Variants in PLD5 observed in about 807,000 individuals in gnomAD.
PLD5 encodes inactive phospholipase D5.
PLD5 carries 36 observed loss-of-function variants against 61.1 expected under a neutral mutation model. The ratio of observed to expected loss-of-function variants is 0.59; its 90% CI spans 0.45 to 0.78. The LOEUF (loss-of-function observed/expected upper bound fraction) is 0.78, where lower values mean the gene tolerates loss of function less well. Ranked by LOEUF, PLD5 falls within the 30% of genes least tolerant of loss-of-function variation. PLD5 has a pLI of 0.00. For synonymous variants in PLD5, 243 were observed against 242.8 expected, an observed-to-expected ratio of 1.00 and a Z score of -0.01; for missense variants, 515 against 644.4, an observed-to-expected ratio of 0.80 and a Z score of 2.17.
Position 242,395,264 on chromosome 1 carries a change from G to A in PLD5, c.190-47022C>T, listed in dbSNP as rs565118382. On this transcript the variant is annotated intron_variant, in intron 1 of 9. Transcript: ENST00000536534. ...AAGTAGCTTTCATGATGTGCAACTT[G>A]ACACTTAGGTACTACGCCTTCCTTA... 2.0e-5 allele frequency among the ~76,000 whole-genome samples: 3 copies of A among 152,014 alleles called. No homozygotes were observed. In the South Asian group the frequency reaches 6.2e-4, roughly 32 times the overall value.
At chr1:242,266,488 T>C (rs1222518517) in intron 3 of PLD5, among the ~76,000 whole-genome samples, 1 of 152,224 alleles carries the variant, frequency 6.6e-6, no homozygotes, top group African/African-American at 2.4e-5. Context: ...CCACAGTCAT[T>C]GCATTATCTC....
At chr1:242,280,801 T>C (rs1054487690) in intron 3 of PLD5, among the ~76,000 whole-genome samples, 1 of 152,246 alleles carries the variant, frequency 6.6e-6, no homozygotes, top group Non-Finnish European at 1.5e-5. Flanking sequence ...GAGTATTAGA[T>C]AGTTTTATCA....
At chr1:242,530,425 G>T in the PLD5 span, among the ~76,000 whole-genome samples, 2 of 152,222 alleles carry the variant, frequency 1.3e-5, no homozygotes, top group Non-Finnish European at 2.9e-5. Context: ...AAATAGGATA[G>T]TTGAAATAAT....
chr1:242,104,747 G>A (rs1660920810), intron 8 of PLD5, among the ~76,000 whole-genome samples: 1 of 152,208 alleles, frequency 6.6e-6, no homozygotes, highest in African/African-American at 2.4e-5. Flanking sequence ...TCTTGAACTT[G>A]TGGCCTCAGA....
chr1:242,149,888 A>G (rs1664809869), intron 5 of PLD5, among the ~76,000 whole-genome samples: 1 of 151,748 alleles, frequency 6.6e-6, no homozygotes, highest in Non-Finnish European at 1.5e-5. Flanking sequence ...CAGTCTGGCT[A>G]TATGTTTGTC....
chr1:242,130,115 G>A (rs1007562624), intron 5 of PLD5, among the ~76,000 whole-genome samples: 3 of 150,546 alleles, frequency 2.0e-5, no homozygotes, highest in Admixed American at 6.6e-5. Flanking sequence ...GCAATGGAGC[G>A]ATCTTGGCTC....
chr1:242,393,680 ATG>A (rs1332702305), intron 1 of PLD5, among the ~76,000 whole-genome samples: 1 of 95,588 alleles, frequency 1.0e-5, no homozygotes, highest in African/African-American at 3.7e-5. Context: ...ATGAGTATAT[ATG>A]TGTATATATA....
At chr1:242,296,156 A>G (rs1675642775) in intron 2 of PLD5, among the ~76,000 whole-genome samples, 1 of 152,180 alleles carries the variant, frequency 6.6e-6, no homozygotes, top group African/African-American at 2.4e-5. Context: ...CATGTTTACC[A>G]TGATGTTGGG....
intron 1 of PLD5, among the ~76,000 whole-genome samples, chr1:242,414,897 A>G (rs925252460): frequency 1.3e-5 from 2 of 151,988 alleles, no homozygotes; most frequent in Non-Finnish European, 2.9e-5. Flanking sequence ...AGGGGTTGGT[A>G]AAATAGAAAA....
chr1:242,304,843 C>T (rs1188015032), intron 2 of PLD5, among the ~76,000 whole-genome samples: 1 of 152,098 alleles, frequency 6.6e-6, no homozygotes, highest in African/African-American at 2.4e-5. Flanking sequence ...GTGGCTCATA[C>T]CTGTTATCCC....
At chr1:242,496,936 C>G (rs1000088413) in intron 1 of PLD5, among the ~76,000 whole-genome samples, 1 of 152,178 alleles carries the variant, frequency 6.6e-6, no homozygotes, top group Admixed American at 6.5e-5. Context: ...AAGGGGAGGG[C>G]AGATGTTCCT....
chr1:242,164,861 C>G (rs990971916), intron 5 of PLD5, among the ~76,000 whole-genome samples: 4 of 150,976 alleles, frequency 2.6e-5, no homozygotes, highest in Admixed American at 6.6e-5. Context: ...ACTTGTAAAT[C>G]TCTGAAGGTG....
chr1:242,286,116 A>G (rs1360458077), intron 3 of PLD5, among the ~76,000 whole-genome samples: 1 of 152,070 alleles, frequency 6.6e-6, no homozygotes, highest in Non-Finnish European at 1.5e-5. Flanking sequence ...CTCCAAAAAT[A>G]AAATAAAATA....
chr1:242,313,790 T>G (rs1676844153), intron 2 of PLD5, among the ~76,000 whole-genome samples: 1 of 124,238 alleles, frequency 8.0e-6, no homozygotes, highest in African/African-American at 2.6e-5. Context: ...TGTTTCTGTT[T>G]TTATAGAGAA....
intron 2 of PLD5, among the ~76,000 whole-genome samples, chr1:242,328,505 A>G (rs893001486): frequency 6.6e-6 from 1 of 152,184 alleles, no homozygotes; most frequent in African/African-American, 2.4e-5. Flanking sequence ...CTACATATGT[A>G]TGTGTTCTAC....
chr1:242,370,530 G>A (rs1661577512), intron 1 of PLD5, among the ~76,000 whole-genome samples: 2 of 152,148 alleles, frequency 1.3e-5, no homozygotes, highest in South Asian at 2.1e-4. Context: ...TAATGGCTGT[G>A]TTTGTGACCC....
chr1:242,411,774 A>G (rs1432052703), intron 1 of PLD5, among the ~76,000 whole-genome samples: 1 of 152,182 alleles, frequency 6.6e-6, no homozygotes, highest in Non-Finnish European at 1.5e-5. Context: ...CAAAATTATA[A>G]TATTGACAAC....
chr1:242,145,792 C>T (rs1664504292), intron 5 of PLD5, among the ~76,000 whole-genome samples: 1 of 152,120 alleles, frequency 6.6e-6, no homozygotes, highest in Non-Finnish European at 1.5e-5. Flanking sequence ...CTTGCCTCAG[C>T]CTCCTGAGTA....
intron 2 of PLD5, among the ~76,000 whole-genome samples, chr1:242,342,813 A>T (rs1428734299): frequency 3.9e-5 from 6 of 152,284 alleles, no homozygotes; most frequent in African/African-American, 1.4e-4. Context: ...ACTGAGGCTC[A>T]TTAAAAGACA....
Sources: gnomAD v4.1 joint callset for allele counts (sites outside exome capture counted in the v4.1 genomes callset) on GRCh38, gnomAD v4.1.1 for gene constraint, MANE v1.5 for transcripts, NCBI Gene and HGNC (gene_info 2026-07-23, HGNC 2026-07-21) for gene names.